FAXC: variants seen among roughly 807,000 people sequenced by gnomAD.
The protein encoded by FAXC is failed axon connections homolog, metaxin like GST domain containing.
A neutral mutation model predicts 41.9 loss-of-function variants in FAXC; 10 were observed. The observed-to-expected ratio is 0.24, with a 90% CI of 0.15 to 0.41. The LOEUF is 0.41. Among genes scored for constraint, FAXC ranks in the 10% least tolerant of loss-of-function variants. FAXC has a pLI of 1.00. For missense variants in FAXC, 399 were observed against 510.9 expected, an observed-to-expected ratio of 0.78 and a Z score of 2.11; for synonymous variants, 183 against 183.8, an observed-to-expected ratio of 1.00 and a Z score of 0.03.
intron 4 of FAXC, among the ~76,000 whole-genome samples, chr6:99,302,131 A>G (rs752659055): frequency 2.0e-5 from 3 of 151,980 alleles, no homozygotes; most frequent in Non-Finnish European, 4.4e-5. Flanking sequence ...TTCCAAACTC[A>G]CTCACACGGT....
intron 2 of FAXC, among the ~76,000 whole-genome samples, chr6:99,341,432 T>C (rs1424530283): frequency 6.6e-6 from 1 of 152,002 alleles, no homozygotes; most frequent in Non-Finnish European, 1.5e-5. Context: ...TAAGCAAATA[T>C]GAACCAAAAG....
intron 4 of FAXC, among the ~76,000 whole-genome samples, chr6:99,294,147 C>G (rs531912054): frequency 1.3e-5 from 2 of 152,290 alleles, no homozygotes; most frequent in East Asian, 3.9e-4. Context: ...TAGCTATTTC[C>G]TATTGTCAAC....
chr6:99,282,034 A>T (rs1770859693), intron 5 of FAXC, among the ~76,000 whole-genome samples: 2 of 152,192 alleles, frequency 1.3e-5, no homozygotes, highest in African/African-American at 2.4e-5. Flanking sequence ...TGAGTGAGAA[A>T]AGTTACATTC....
At chr6:99,291,064 C>A (rs915993139) in intron 5 of FAXC, among the ~76,000 whole-genome samples, 5 of 152,242 alleles carry the variant, frequency 3.3e-5, no homozygotes, top group South Asian at 2.1e-4. Context: ...CCCGCCTTGG[C>A]CTCCCAAAGT....
chr6:99,301,372 C>T (rs1014490079), intron 4 of FAXC, among the ~76,000 whole-genome samples: 2 of 152,184 alleles, frequency 1.3e-5, no homozygotes, highest in South Asian at 4.1e-4. Context: ...TGTCTCTGTG[C>T]CCTGACAATT....
chr6:99,294,353 A>G (rs1053464779), intron 4 of FAXC, among the ~76,000 whole-genome samples: 1 of 152,206 alleles, frequency 6.6e-6, no homozygotes. Flanking sequence ...GAACGCAGGC[A>G]GGCAGAGGGA....
rs144565337 is a variant in FAXC, at chr6:99,273,061, T to C, written c.*8103A>G. On this transcript the variant is annotated 3_prime_UTR_variant, in exon 6 of 6. Coordinates refer to ENST00000389677, the MANE Select transcript of FAXC (RefSeq NM_032511.4). The stretch of plus-strand genomic sequence containing the variant: ...ACAATCAAGTGTACAAGTTTAAATA[T>C]GGCTTTATAAACTACTAATAACTCT... 1.9e-3 allele frequency: 293 copies of C among 152,344 alleles called. No individual in the cohort carries two copies. The highest frequency in any genetic ancestry group is 6.7e-3 in the African/African-American group (278 of 41,566). The allele number at this position is 152,344 out of a possible 1,614,324, so 9.4% of individuals were successfully genotyped here. A position where few individuals can be genotyped will look rare whatever the true frequency, so the allele number is the denominator to read the frequency against.
intron 4 of FAXC, among the ~76,000 whole-genome samples, chr6:99,299,931 G>A (rs1771640853): frequency 6.6e-6 from 1 of 152,068 alleles, no homozygotes; most frequent in African/African-American, 2.4e-5. Context: ...AAAAATAAAG[G>A]TGGGTGGAGA....
At chr6:99,291,677 A>G in intron 5 of FAXC, 27 bp downstream of exon 5, 1 of 1,576,584 alleles carries the variant, frequency 6.3e-7, no homozygotes, top group South Asian at 1.1e-5. Flanking sequence ...GTAAGCCCCA[A>G]AACCTGAAGA....
chr6:99,326,635 G>T (rs565514489), intron 3 of FAXC, among the ~76,000 whole-genome samples: 1 of 152,280 alleles, frequency 6.6e-6, no homozygotes, highest in African/African-American at 2.4e-5. Flanking sequence ...GCTGTGAGAG[G>T]AGATGAGGTC....
At chr6:99,287,079 A>T (rs983920743) in intron 5 of FAXC, among the ~76,000 whole-genome samples, 5 of 152,196 alleles carry the variant, frequency 3.3e-5, no homozygotes, top group African/African-American at 9.6e-5. Flanking sequence ...AATATTAGTA[A>T]AAGTTATTTA....
At chr6:99,290,130 CACACACAT>C (rs1344944313) in intron 5 of FAXC, among the ~76,000 whole-genome samples, 1 of 151,544 alleles carries the variant, frequency 6.6e-6, no homozygotes, top group Non-Finnish European at 1.5e-5. Context: ...CACACACACA[CACACACAT>C]ACACACACCC....
chr6:99,333,489 T>A lies in FAXC; in HGVS notation c.461A>T (p.His154Leu), dbSNP rs1304686878. The A allele has an allele frequency of 1.2e-6, 2 of 1,614,174 alleles. No individual in the cohort carries two copies. The highest frequency in any genetic ancestry group is 4.5e-5 in the East Asian group (2 of 44,888). ...QGKMPWIEYN[H>L]EKVSGTEFII... ...GAATTCTGTGCCAGAAACTTTTTCATGATTATATTCAATCCAAGGCATTTT... is the reference window on the plus strand; with the variant it reads ...GAATTCTGTGCCAGAAACTTTTTCAAGATTATATTCAATCCAAGGCATTTT... The change falls in exon 3 of 6, where the codon CAT becomes CTT. Residue 154 changes from histidine to leucine, a missense_variant. Physicochemically the swap from His to Leu is moderately conservative, Grantham distance 99. This residue lies in a region of FAXC where 239 missense variants were observed against 352.7 expected (regional missense o/e 0.68). Coordinates refer to ENST00000389677, the MANE Select transcript of FAXC (RefSeq NM_032511.4).
chr6:99,291,954 A>T, intron 4 of FAXC, 134 bp from the exon 5 acceptor site: 1 of 697,034 alleles, frequency 1.4e-6, no homozygotes, highest in Non-Finnish European at 2.6e-6. Flanking sequence ...ATACATGCAC[A>T]CCCTTTTGCT....
intron 4 of FAXC, among the ~76,000 whole-genome samples, chr6:99,318,306 C>CAAAAAAAAAAAAAA (rs1554201375): frequency 7.4e-6 from 1 of 135,230 alleles, no homozygotes; most frequent in East Asian, 2.3e-4. Context: ...CACACACACA[C>CAAAAAAAAAAAAAA]AAAATAGAAG....
intron 4 of FAXC, among the ~76,000 whole-genome samples, chr6:99,301,113 G>A (rs1771687465): frequency 6.6e-6 from 1 of 152,244 alleles, no homozygotes; most frequent in Non-Finnish European, 1.5e-5. Flanking sequence ...CACCAGCACT[G>A]TTTAGGTCCT....
At chr6:99,307,162 C>A (rs1771957424) in intron 4 of FAXC, among the ~76,000 whole-genome samples, 1 of 152,120 alleles carries the variant, frequency 6.6e-6, no homozygotes, top group Non-Finnish European at 1.5e-5. Flanking sequence ...GTATTATTTA[C>A]CCTTTCAAGA....
intron 2 of FAXC, among the ~76,000 whole-genome samples, chr6:99,337,010 T>C (rs1008474881): frequency 2.6e-5 from 4 of 152,156 alleles, no homozygotes; most frequent in African/African-American, 9.7e-5. Context: ...ACTGAAAAAA[T>C]CCACGCACCC....
chr6:99,319,068 A>G (rs1772484733), intron 4 of FAXC, among the ~76,000 whole-genome samples: 1 of 152,096 alleles, frequency 6.6e-6, no homozygotes, highest in Admixed American at 6.5e-5. Context: ...GAACACACAC[A>G]CCTTCCCCAA....
Sources: allele counts gnomAD v4.1 joint callset (sites outside exome capture counted in the v4.1 genomes callset), GRCh38; gene constraint gnomAD v4.1.1; regional missense constraint gnomAD v4.1.1; transcripts MANE v1.5; gene names NCBI Gene and HGNC (gene_info 2026-07-23, HGNC 2026-07-21).